The following LPAR2 variants were observed in gnomAD, a reference collection of about 807,000 sequenced individuals.
LPAR2 encodes G protein-coupled receptor.
Under a neutral mutation model 15.6 loss-of-function variants are expected in LPAR2, and 10 were observed. The ratio of observed to expected loss-of-function variants is 0.64; its 90% confidence interval spans 0.39 to 1.09. The LOEUF (loss-of-function observed/expected upper bound fraction) is 1.09, where lower values mean the gene tolerates loss of function less well. Among genes scored for constraint, LPAR2 ranks in the 50% least tolerant of loss-of-function variants. The pLI is 0.01. For missense variants in LPAR2, 413 were observed against 484.6 expected (o/e 0.85, Z 1.39); for synonymous variants, 204 against 207.4 (o/e 0.98, Z 0.14).
At chr19:19,625,125 G>GT (rs200200761) in intron 2 of LPAR2, among the ~76,000 whole-genome samples, 13 of 150,706 alleles carry the variant, frequency 8.6e-5, no homozygotes, top group Admixed American at 1.3e-4. Context: ...TGGCCTGTGT[G>GT]TTTTTTTTTG....
Position 19,625,789 on chromosome 19 carries a change from A to G in LPAR2, c.742+754T>C, listed in dbSNP as rs899213487. Reference sequence around the variant, plus strand: ...CAGAGCGAGACTCTGTCTCAAAAAAAAAAAAAAAAAATTAAAAATACATAT... The same window carrying G: ...CAGAGCGAGACTCTGTCTCAAAAAAGAAAAAAAAAAATTAAAAATACATAT... On this transcript the variant is annotated intron_variant, in intron 2 of 2. Coordinates refer to ENST00000407877, the MANE Select transcript of LPAR2 (RefSeq NM_004720.7). 6.8e-3 allele frequency among the ~76,000 whole-genome samples: 1,035 copies of G among 151,460 alleles called. 16 individuals are homozygous for G. Among genetic ancestry groups the G allele is most frequent in the African/African-American group, 0.024 (987 of 41,366 alleles).
Position 19,628,214 on chromosome 19 carries a change from C to A in LPAR2, c.-123G>T, listed in dbSNP as rs2061754987. ...GTCCGGGTGCGCCCTGTGCGGGTTG[C>A]TGAGAGGGCGCGGGAGGCGGGGTCT... On this transcript the variant is annotated 5_prime_UTR_variant, in exon 1 of 3. Transcript: ENST00000407877. The A allele has an allele frequency of 6.6e-6, 1 of 152,020 alleles. No individual in the cohort carries two copies. Among genetic ancestry groups the A allele is most frequent in the South Asian group, 2.1e-4 (1 of 4,834 alleles). 9.4% of individuals were successfully genotyped at this position (152,020 alleles called of 1,614,324 possible). A position where few individuals can be genotyped will look rare whatever the true frequency, so the allele number is the denominator to read the frequency against.
At chr19:19,624,611 G>T in intron 2 of LPAR2, 42 bp from the exon 3 acceptor site, 1 of 1,516,232 alleles carries the variant, frequency 6.6e-7, no homozygotes, top group Non-Finnish European at 9.0e-7. Flanking sequence ...AGCTGTCAGA[G>T]GCCCGGCACC....
In LPAR2 at chr19:19,623,708, C is replaced by T. The variant is rs2061725889; in HGVS notation, c.*548G>A. The T allele has an allele frequency of 6.5e-6, 1 of 154,238 alleles. No homozygotes were observed. The highest frequency in any genetic ancestry group is 6.4e-5 in the Admixed American group (1 of 15,740). The allele number at this position is 154,238 out of a possible 1,614,324, so 9.6% of individuals were successfully genotyped here. On this transcript the variant is annotated 3_prime_UTR_variant, in exon 3 of 3. Coordinates refer to ENST00000407877, the MANE Select transcript of LPAR2 (RefSeq NM_004720.7). The stretch of plus-strand genomic sequence containing the variant: ...GTTTACTCCTTGTATCATCCCCTCC[C>T]CGTGGACTGCTTCAATTCTATCGGG...
At position 19,627,635 on chromosome 19, in the gene LPAR2, A is replaced by G. The variant is rs1323358228; in HGVS notation, c.1-351T>C. ...TTTGGGTTGTGGGGAGAGGAGGGTT[A>G]GGGAAAGACAAAGGGGTGTGAGCTG... On this transcript the variant is annotated intron_variant, in intron 1 of 2. Coordinates refer to ENST00000407877, the MANE Select transcript of LPAR2 (RefSeq NM_004720.7). This position sits in a 1 kb window ranked among gnomAD's most constrained non-coding sequence, Gnocchi z 4.7. 2 of 310,120 alleles carry G rather than the reference A, an allele frequency of 6.4e-6. No homozygotes were observed. Among genetic ancestry groups the G allele is most frequent in the Non-Finnish European group, 1.2e-5 (2 of 161,266 alleles). 19.2% of individuals were successfully genotyped at this position (310,120 alleles called of 1,614,324 possible). A position where few individuals can be genotyped will look rare whatever the true frequency, so the allele number is the denominator to read the frequency against.
rs755301154 is a variant in LPAR2, at chr19:19,627,240, G to A, written c.45C>T (p.Phe15=). The A allele has an allele frequency of 1.9e-6, 3 of 1,608,278 alleles. No individual in the cohort carries two copies. Among genetic ancestry groups the A allele is most frequent in the East Asian group, 2.2e-5 (1 of 44,882 alleles). The stretch of plus-strand genomic sequence containing the variant: ...GCTCTTTGCCACTGTTGTTATAGAA[G>A]AAGCCGATGGTCTCGTTGTAGTAGC... The change falls in exon 2 of 3, where the codon TTC becomes TTT. Residue 15 remains phenylalanine (F), a synonymous_variant. Coordinates refer to ENST00000407877, the MANE Select transcript of LPAR2 (RefSeq NM_004720.7). This position sits in a 1 kb window ranked among gnomAD's most constrained non-coding sequence, Gnocchi z 4.7.
Position 19,624,415 on chromosome 19 carries a change from A to C in LPAR2, c.897T>G (p.Asp299Glu), listed in dbSNP as rs2061729915. The change falls in exon 3 of 3, where the codon GAT (aspartate) becomes GAG (glutamate). Residue 299 changes from aspartate to glutamate, a missense_variant. Transcript: ENST00000407877. Reference sequence around the variant, plus strand: ...GGCGGAAGGTGCGGCGCATCTCAGCATCTCGGCAAGAGTACACAGCAGCAT... The same window carrying C: ...GGCGGAAGGTGCGGCGCATCTCAGCCTCTCGGCAAGAGTACACAGCAGCAT... The C allele has an allele frequency of 1.2e-6, 2 of 1,614,066 alleles. No homozygotes were observed. Among genetic ancestry groups the C allele is most frequent in the Admixed American group, 1.7e-5 (1 of 60,002 alleles).
At chr19:19,624,638 G>T in intron 2 of LPAR2, 69 bp from the exon 3 acceptor site, 2 of 1,321,136 alleles carry the variant, frequency 1.5e-6, no homozygotes, top group South Asian at 2.7e-5. Flanking sequence ...TCTCAGTTTG[G>T]GGTTGGAGTG....
Position 19,626,827 on chromosome 19 carries a change from C to A in LPAR2, c.458G>T (p.Gly153Val). ...CAGGCCCAGGGCAGCCACCCACACG[C>A]CCACAATGAGCATGACCACGCGGCC... The change falls in exon 2 of 3, where the codon GGC becomes GTC. Residue 153 changes from glycine (G) to valine (V), a missense_variant. Physicochemically the swap from Gly to Val is moderately radical, Grantham distance 109. Coordinates refer to ENST00000407877, the MANE Select transcript of LPAR2 (RefSeq NM_004720.7). This position sits in a 1 kb window ranked among gnomAD's most constrained non-coding sequence, Gnocchi z 5.3. 1.9e-6 allele frequency: 3 copies of A among 1,596,326 alleles called. No individual in the cohort carries two copies. Among genetic ancestry groups the A allele is most frequent in the East Asian group, 2.3e-5 (1 of 43,438 alleles).
chr19:19,626,956 A>T lies in LPAR2; in HGVS notation c.329T>A (p.Leu110Ter). Residue 110 changes from leucine (L) to a stop codon, truncating the protein, a stop_gained, in exon 2 of 3, where the codon TTG becomes TAG. Transcript: ENST00000407877. LOFTEE classifies it high-confidence loss of function. This position sits in a 1 kb window ranked among gnomAD's most constrained non-coding sequence, Gnocchi z 5.3. ...CGACGCAGTGAGGCTTGTGTCCAGCAAGCCCTGCCGCAGGAACCAGCCCTC... is the reference window on the plus strand; with the variant it reads ...CGACGCAGTGAGGCTTGTGTCCAGCTAGCCCTGCCGCAGGAACCAGCCCTC... 1 of 1,610,348 alleles carries T rather than the reference A, an allele frequency of 6.2e-7. No homozygotes were observed. The highest frequency in any genetic ancestry group is 8.5e-7 in the Non-Finnish European group (1 of 1,178,778).
chr19:19,624,285 C>T lies in LPAR2; in HGVS notation c.1027G>A (p.Gly343Ser), dbSNP rs1422994517. 3.7e-6 allele frequency: 6 copies of T among 1,609,698 alleles called. 1 individual carries two copies. The South Asian group carries it at 5.5e-5, about 15-fold the overall frequency. ...AGGGTGGAGTCCATCAGTGGGTGGCCGTTCTCGGGAAGCATGATGCGAGTG... is the reference window on the plus strand; with the variant it reads ...AGGGTGGAGTCCATCAGTGGGTGGCTGTTCTCGGGAAGCATGATGCGAGTG... The change falls in exon 3 of 3, where the codon GGC (glycine) becomes AGC (serine). Residue 343 changes from glycine (G) to serine (S), a missense_variant. Physicochemically the swap from Gly to Ser is moderately conservative, Grantham distance 56. Transcript: ENST00000407877.
rs2061748990 is a variant in LPAR2, at chr19:19,627,596, A to C, written c.1-312T>G. ...GTCGAATCCCAGCCCACCTGCCGCCAATGTGTGACCCGGTTTGGGTTGTGG... is the reference window on the plus strand; with the variant it reads ...GTCGAATCCCAGCCCACCTGCCGCCCATGTGTGACCCGGTTTGGGTTGTGG... On this transcript the variant is annotated intron_variant, in intron 1 of 2. Transcript: ENST00000407877. The surrounding 1 kb of genome is among the most constrained non-coding windows in gnomAD (Gnocchi z 4.7). 1 of 359,590 alleles carries C rather than the reference A, an allele frequency of 2.8e-6. No homozygotes were observed. Among genetic ancestry groups the C allele is most frequent in the Non-Finnish European group, 5.2e-6 (1 of 191,392 alleles). The allele number at this position is 359,590 out of a possible 1,614,324, so 22.3% of individuals were successfully genotyped here.
chr19:19,624,566 G>A lies in LPAR2; in HGVS notation c.746C>T (p.Ala249Val), dbSNP rs773028909. ...GCCTGGTGTCCAGCAGACCACGAAC[G>A]CCCCTGTGGGACAGAGGCGGAAGTG... The change falls in exon 3 of 3, where the codon GCG becomes GTG. Residue 249 changes from alanine to valine, a missense_variant. Transcript: ENST00000407877. The A allele has an allele frequency of 4.4e-6, 7 of 1,592,440 alleles. No individual in the cohort carries two copies. The highest frequency in any genetic ancestry group is 2.2e-5 in the East Asian group (1 of 44,656).
chr19:19,626,904 C>A lies in LPAR2; in HGVS notation c.381G>T (p.Val127=). The change falls in exon 2 of 3, where the codon GTG becomes GTT. Residue 127 remains valine, a synonymous_variant. Coordinates refer to ENST00000407877, the MANE Select transcript of LPAR2 (RefSeq NM_004720.7). This position sits in a 1 kb window ranked among gnomAD's most constrained non-coding sequence, Gnocchi z 5.3. ...CGGCCATCACACTGCGGTGCCGCTCCACGGCGATGGCCAGCAGTGTGGCCA... is the reference window on the plus strand; with the variant it reads ...CGGCCATCACACTGCGGTGCCGCTCAACGGCGATGGCCAGCAGTGTGGCCA... 6.2e-7 allele frequency: 1 copy of A among 1,600,924 alleles called. No homozygotes were observed. Among genetic ancestry groups the A allele is most frequent in the Non-Finnish European group, 8.5e-7 (1 of 1,174,572 alleles).
chr19:19,626,626 T>A lies in LPAR2; in HGVS notation c.659A>T (p.Gln220Leu). The change falls in exon 2 of 3, where the codon CAG becomes CTG. Residue 220 changes from glutamine to leucine, a missense_variant. Transcript: ENST00000407877. This position sits in a 1 kb window ranked among gnomAD's most constrained non-coding sequence, Gnocchi z 5.3. Reference sequence around the variant, plus strand: ...GCAGCTGACATGCTCTGCCATGCGCTGCACTCGCCGCCGCACGTAGAAGAA... The same window carrying A: ...GCAGCTGACATGCTCTGCCATGCGCAGCACTCGCCGCCGCACGTAGAAGAA... 6.2e-7 allele frequency: 1 copy of A among 1,613,316 alleles called. No homozygotes were observed. Among genetic ancestry groups the A allele is most frequent in the South Asian group, 1.1e-5 (1 of 91,088 alleles).
Position 19,624,200 on chromosome 19 carries a change from A to G in LPAR2, c.*56T>C, listed in dbSNP as rs145065448. 177 of 1,533,852 alleles carry G rather than the reference A, an allele frequency of 1.2e-4. No individual in the cohort carries two copies. The highest frequency in any genetic ancestry group is 1.5e-4 in the Non-Finnish European group (168 of 1,129,688). Reference sequence around the variant, plus strand: ...TTGGGTTGAGCCAGGAGCACCCACAAGTCATCAGGGGCTGTGGATTTGTTG... The same window carrying G: ...TTGGGTTGAGCCAGGAGCACCCACAGGTCATCAGGGGCTGTGGATTTGTTG... On this transcript the variant is annotated 3_prime_UTR_variant, in exon 3 of 3. Transcript: ENST00000407877.
At position 19,626,966 on chromosome 19, in the gene LPAR2, G is replaced by A. The variant is rs1446135094; in HGVS notation, c.319C>T (p.Arg107Trp). 3 of 1,611,802 alleles carry A rather than the reference G, an allele frequency of 1.9e-6. No individual in the cohort carries two copies. The highest frequency in any genetic ancestry group is 2.2e-5 in the East Asian group (1 of 44,780). The change falls in exon 2 of 3, where the codon CGG becomes TGG. Residue 107 changes from arginine (R) to tryptophan (W), a missense_variant. Transcript: ENST00000407877. The surrounding 1 kb of genome is among the most constrained non-coding windows in gnomAD (Gnocchi z 5.3). ...AGGCTTGTGTCCAGCAAGCCCTGCC[G>A]CAGGAACCAGCCCTCAAGTGAAAGT...
At position 19,627,380 on chromosome 19, in the gene LPAR2, G is replaced by A; in HGVS notation, c.1-96C>T. The A allele has an allele frequency of 3.1e-6, 4 of 1,304,416 alleles. No individual in the cohort carries two copies. In the South Asian group the frequency reaches 4.1e-5, roughly 13 times the overall value. The allele number at this position is 1,304,416 out of a possible 1,614,324, so 80.8% of individuals were successfully genotyped here. ...GAGGGTCAGCGCAGGAAGGACAAGGGTCTCAAATTCAGATACCTCGAAGCA... is the reference window on the plus strand; with the variant it reads ...GAGGGTCAGCGCAGGAAGGACAAGGATCTCAAATTCAGATACCTCGAAGCA... On this transcript the variant is annotated intron_variant, in intron 1 of 2. Transcript: ENST00000407877. The surrounding 1 kb of genome is among the most constrained non-coding windows in gnomAD (Gnocchi z 4.7).
In LPAR2 at chr19:19,626,309, G is replaced by A. The variant is rs138101455; in HGVS notation, c.742+234C>T. Among the ~76,000 whole-genome samples the A allele has an allele frequency of 2.0e-5, 3 of 152,196 alleles. No homozygotes were observed. The highest frequency in any genetic ancestry group is 2.9e-5 in the Non-Finnish European group (2 of 68,030). On this transcript the variant is annotated intron_variant, in intron 2 of 2. Coordinates refer to ENST00000407877, the MANE Select transcript of LPAR2 (RefSeq NM_004720.7). This position sits in a 1 kb window ranked among gnomAD's most constrained non-coding sequence, Gnocchi z 5.3. ...TTTCCTCTTTAGAGGCTCTGGCCTCGTACTGCCTTGAGGTTTTTACTTTCC... is the reference window on the plus strand; with the variant it reads ...TTTCCTCTTTAGAGGCTCTGGCCTCATACTGCCTTGAGGTTTTTACTTTCC...
Sources: gnomAD v4.1 joint callset for allele counts (sites outside exome capture counted in the v4.1 genomes callset) on GRCh38, gnomAD v4.1.1 for gene constraint, Gnocchi (gnomAD v3.1) non-coding constraint, MANE v1.5 for transcripts, NCBI Gene and HGNC (gene_info 2026-07-23, HGNC 2026-07-21) for gene names.